Variants in EPHA6 observed in about 807,000 individuals in gnomAD.
EPHA6 encodes the protein ephrin type-A receptor 6.
EPHA6 carries 50 observed loss-of-function variants against 112.0 expected under a neutral mutation model. The observed-to-expected ratio is 0.45, with a 90% CI of 0.36 to 0.56. EPHA6 has a LOEUF of 0.56. EPHA6 is among the 20% of genes least tolerant of loss of function. The pLI is 0.00. For synonymous variants in EPHA6, 529 were observed against 490.7 expected (o/e 1.08, Z -1.03); for missense variants, 1,280 against 1,417.4 (o/e 0.90, Z 1.56).
intron 14 of EPHA6, among the ~76,000 whole-genome samples, chr3:97,652,071 T>G (rs962711896): frequency 3.9e-5 from 6 of 152,058 alleles, no homozygotes; most frequent in African/African-American, 1.4e-4. Context: ...CATGTTTTGC[T>G]CCCACTTAAA....
intron 3 of EPHA6, among the ~76,000 whole-genome samples, chr3:97,021,013 G>A (rs1178434081): frequency 6.6e-6 from 1 of 152,090 alleles, no homozygotes; most frequent in Non-Finnish European, 1.5e-5. Context: ...AAAACCTTCA[G>A]CATAGATATC....
intron 11 of EPHA6, among the ~76,000 whole-genome samples, chr3:97,589,445 A>G (rs2093522881): frequency 2.0e-5 from 3 of 152,104 alleles, no homozygotes. Context: ...CCTATTAACT[A>G]GCAACTTTTT....
chr3:97,566,746 G>C (rs1376045997), intron 11 of EPHA6, among the ~76,000 whole-genome samples: 2 of 152,108 alleles, frequency 1.3e-5, no homozygotes, highest in Non-Finnish European at 2.9e-5. Flanking sequence ...TCAGTCTATT[G>C]GCTCTGCTTT....
intron 6 of EPHA6, among the ~76,000 whole-genome samples, chr3:97,417,519 C>G (rs2088225427): frequency 6.6e-6 from 1 of 151,976 alleles, no homozygotes; most frequent in Middle Eastern, 3.4e-3. Flanking sequence ...TCTTTCTTTA[C>G]AAAGTAGGTA....
rs567961429 is a variant in EPHA6, at chr3:97,272,754, ACTT to A, written c.1606+28471_1606+28473del. ...GTTAAGGCAGGAACAGGCCATTTTC[ACTT>A]CTTTTGTGGTGGAATGTCATCAGTT... On this transcript the variant is annotated intron_variant, in intron 5 of 17. Transcript: ENST00000389672. 4.6e-5 allele frequency among the ~76,000 whole-genome samples: 7 copies of A among 152,218 alleles called. No individual in the cohort carries two copies. The South Asian group carries it at 1.2e-3, about 27-fold the overall frequency.
intron 12 of EPHA6, among the ~76,000 whole-genome samples, chr3:97,597,609 T>C (rs2093605579): frequency 6.6e-6 from 1 of 152,208 alleles, no homozygotes; most frequent in South Asian, 2.1e-4. Flanking sequence ...ATAATGTCAT[T>C]TCTATAGCAA....
At chr3:97,714,841 T>C (rs2034141931) in intron 14 of EPHA6, among the ~76,000 whole-genome samples, 1 of 152,228 alleles carries the variant, frequency 6.6e-6, no homozygotes, top group East Asian at 1.9e-4. Flanking sequence ...CAAGAAATTA[T>C]AACTTAAAGT....
At chr3:97,328,050 TAC>T (rs1191368089) in intron 5 of EPHA6, among the ~76,000 whole-genome samples, 2 of 69,526 alleles carry the variant, frequency 2.9e-5, no homozygotes, top group East Asian at 3.5e-4. Flanking sequence ...CACACATATA[TAC>T]ACATATATAT....
Position 97,465,204 on chromosome 3 carries a change from A to G in EPHA6, c.1895-10148A>G, listed in dbSNP as rs965871406. 7.2e-5 allele frequency among the ~76,000 whole-genome samples: 11 copies of G among 152,106 alleles called. No homozygotes were observed. The East Asian group carries it at 7.7e-4, about 11-fold the overall frequency. On this transcript the variant is annotated intron_variant, in intron 7 of 17. Coordinates refer to ENST00000389672, the MANE Select transcript of EPHA6 (RefSeq NM_001080448.3). ...AAGATATTTACTCCCACATTTGTAG[A>G]TCCTAATATTAAGCTTCATTTTTTA...
chr3:97,534,040 G>A (rs777718729), intron 11 of EPHA6, among the ~76,000 whole-genome samples: 1 of 152,110 alleles, frequency 6.6e-6, no homozygotes, highest in Non-Finnish European at 1.5e-5. Context: ...TTGTTGCACA[G>A]CAATAGATAA....
chr3:97,565,275 G>T (rs1375083395), intron 11 of EPHA6, among the ~76,000 whole-genome samples: 1 of 151,514 alleles, frequency 6.6e-6, no homozygotes, highest in Non-Finnish European at 1.5e-5. Context: ...AAAAAAAAAA[G>T]CAATTATGCA....
chr3:96,939,512 T>C (rs1399290884), intron 2 of EPHA6, among the ~76,000 whole-genome samples: 1 of 152,214 alleles, frequency 6.6e-6, no homozygotes, highest in Non-Finnish European at 1.5e-5. Context: ...TTTATTAGTC[T>C]TGCTAGCAGT....
At chr3:97,312,774 T>C (rs573321692) in intron 5 of EPHA6, among the ~76,000 whole-genome samples, 5 of 151,446 alleles carry the variant, frequency 3.3e-5, no homozygotes, top group African/African-American at 1.2e-4. Context: ...TATTCTGTGG[T>C]CACATTTTTT....
chr3:96,831,386 T>C (rs1576083349), intron 1 of EPHA6, among the ~76,000 whole-genome samples: 1 of 152,130 alleles, frequency 6.6e-6, no homozygotes, highest in South Asian at 2.1e-4. Flanking sequence ...CTTTTGATTT[T>C]CTTCCAATTC....
intron 3 of EPHA6, among the ~76,000 whole-genome samples, chr3:97,063,920 A>C (rs552711566): frequency 5.8e-4 from 89 of 152,158 alleles, no homozygotes; most frequent in Non-Finnish European, 1.2e-3. Flanking sequence ...CAAGGGCAAT[A>C]AATTGATAAC....
rs1196425915 is a variant in EPHA6 at position 97,236,529 on chromosome 3, G to A, written c.1271-7423G>A. 3.3e-5 allele frequency among the ~76,000 whole-genome samples: 5 copies of A among 152,146 alleles called. No individual in the cohort carries two copies. The East Asian group carries it at 5.8e-4, about 18-fold the overall frequency. On this transcript the variant is annotated intron_variant, in intron 4 of 17. Transcript: ENST00000389672. ...ACTTAGAAAAGTTCAAACATAAAAT[G>A]TAAGTCATACACATGGGTAAATTCT...
At chr3:97,646,012 C>A in intron 14 of EPHA6, 1 of 802,006 alleles carries the variant, frequency 1.2e-6, no homozygotes, top group Non-Finnish European at 1.8e-6. Flanking sequence ...TTGTAATCTT[C>A]AAGAAAAAAA....
chr3:97,299,183 A>ATG (rs34282025), intron 5 of EPHA6, among the ~76,000 whole-genome samples: 16,971 of 144,450 alleles, frequency 0.12, 1,093 homozygotes, highest in Non-Finnish European at 0.16. Flanking sequence ...GATGATCAGG[A>ATG]TGTGTGTGTG....
intron 4 of EPHA6, among the ~76,000 whole-genome samples, chr3:97,226,773 C>A (rs2078368930): frequency 6.6e-6 from 1 of 152,156 alleles, no homozygotes; most frequent in South Asian, 2.1e-4. Flanking sequence ...CAACCCTTGA[C>A]CATTTTAAAG....
Sources: allele counts gnomAD v4.1 joint callset (sites outside exome capture counted in the v4.1 genomes callset), GRCh38; gene constraint gnomAD v4.1.1; transcripts MANE v1.5; gene names NCBI Gene and HGNC (gene_info 2026-07-23, HGNC 2026-07-21).